Variants in SPTLC2 observed in about 807,000 individuals in gnomAD.
SPTLC2 encodes serine palmitoyltransferase 2.
In SPTLC2, 21 loss-of-function variants were observed where a neutral mutation model predicts 62.0. That is an observed-to-expected ratio of 0.34 (90% confidence interval 0.24 to 0.49). SPTLC2 has a LOEUF of 0.49. SPTLC2 is among the 20% of genes least tolerant of loss of function. The pLI, the probability that SPTLC2 is intolerant of heterozygous loss-of-function variation, is 0.99. For synonymous variants in SPTLC2, 261 were observed against 261.8 expected (o/e 1.00, Z 0.03); for missense variants, 511 against 713.0 (o/e 0.72, Z 3.23).
chr14:77,530,325 A>T (rs74440794), intron 9 of SPTLC2, among the ~76,000 whole-genome samples: 34,965 of 147,436 alleles, frequency 0.24, 4,782 homozygotes, highest in East Asian at 0.56. Context: ...TTAAAAAAAA[A>T]AAATATTTAT....
At chr14:77,534,588 T>TATACACACACACACACACACACACAC (rs1555373988) in intron 9 of SPTLC2, among the ~76,000 whole-genome samples, 4 of 141,126 alleles carry the variant, frequency 2.8e-5, no homozygotes, top group African/African-American at 1.1e-4. Flanking sequence ...CATATTTCAG[T>TATACACACACACACACACACACACAC]ACACACACAC....
Position 77,512,306 on chromosome 14 carries a change from G to A in SPTLC2, c.1667C>T (p.Thr556Met), listed in dbSNP as rs1207958200. The A allele has an allele frequency of 4.3e-6, 7 of 1,614,096 alleles. No individual in the cohort carries two copies. Among genetic ancestry groups the A allele is most frequent in the South Asian group, 1.1e-5 (1 of 91,076 alleles). The change falls in exon 12 of 12, where the codon ACG (threonine) becomes ATG (methionine). Residue 556 changes from threonine (T) to methionine (M), a missense_variant. Physicochemically the swap from Thr to Met is moderately conservative, Grantham distance 81 (BLOSUM62 -1). Coordinates refer to ENST00000216484, the MANE Select transcript of SPTLC2 (RefSeq NM_004863.4). ...PLLDRPFDET[T>M]YEETED is the part of the protein sequence containing the mutation. ...GGCTCAGTCTTCTGTTTCTTCATAC[G>A]TCGTCTCGTCAAAGGGCCTGTCCAG...
chr14:77,541,467 A>G (rs1389151946), intron 9 of SPTLC2, among the ~76,000 whole-genome samples: 1 of 151,860 alleles, frequency 6.6e-6, no homozygotes, highest in East Asian at 1.9e-4. Context: ...TTTTGAACTT[A>G]GAAATGCAAG....
At chr14:77,534,216 A>ACACACACACACACACACG (rs1208421770) in intron 9 of SPTLC2, among the ~76,000 whole-genome samples, 1 of 146,478 alleles carries the variant, frequency 6.8e-6, no homozygotes. Flanking sequence ...ACACACACAC[A>ACACACACACACACACACG]CACAAATGCA....
chr14:77,597,195 T>C lies in SPTLC2; in HGVS notation c.318A>G (p.Glu106=), dbSNP rs753268831. ...IEKCHHATER[E]EQKDFVSLYQ... ...ACTCTCTAACAGTTACCTTTTGTTC[T>C]TCTCTTTCTGTTGCATGGTGACACT... The change falls in exon 2 of 12, where the codon GAA becomes GAG. Residue 106 remains glutamate, a synonymous_variant. Coordinates refer to ENST00000216484, the MANE Select transcript of SPTLC2 (RefSeq NM_004863.4). The C allele has an allele frequency of 2.5e-6, 4 of 1,614,020 alleles. No homozygotes were observed. The highest frequency in any genetic ancestry group is 1.1e-5 in the South Asian group (1 of 91,074).
At position 77,508,156 on chromosome 14, in the gene SPTLC2, CA is replaced by C. The variant is rs2079315137; in HGVS notation, c.*4127del. 6.6e-6 allele frequency: 1 copy of C among 152,202 alleles called. No homozygotes were observed. The highest frequency in any genetic ancestry group is 2.1e-4 in the South Asian group (1 of 4,832). The allele number at this position is 152,202 out of a possible 1,614,324, so 9.4% of individuals were successfully genotyped here. A position where few individuals can be genotyped will look rare whatever the true frequency, so the allele number is the denominator to read the frequency against. On this transcript the variant is annotated 3_prime_UTR_variant, in exon 12 of 12. Coordinates refer to ENST00000216484, the MANE Select transcript of SPTLC2 (RefSeq NM_004863.4). ...TGATTCTCCCACACAGGTGGGACTACAGGCAGGCACCACCATGCCCGGTTAA... is the reference window on the plus strand; with the variant it reads ...TGATTCTCCCACACAGGTGGGACTACGGCAGGCACCACCATGCCCGGTTAA...
At chr14:77,598,605 A>G (rs1595014208) in intron 1 of SPTLC2, among the ~76,000 whole-genome samples, 2 of 152,242 alleles carry the variant, frequency 1.3e-5, no homozygotes, top group East Asian at 3.8e-4. Context: ...TGATAACACA[A>G]GTAAATCATG....
At chr14:77,532,732 CGA>C (rs1417048288) in intron 9 of SPTLC2, among the ~76,000 whole-genome samples, 1 of 151,446 alleles carries the variant, frequency 6.6e-6, no homozygotes, top group Non-Finnish European at 1.5e-5. Context: ...TGCAGTGAGC[CGA>C]GATAGTGCCA....
chr14:77,579,833 T>G (rs921203811), intron 2 of SPTLC2, among the ~76,000 whole-genome samples: 2 of 152,196 alleles, frequency 1.3e-5, no homozygotes, highest in African/African-American at 4.8e-5. Flanking sequence ...TAAAAGTCAC[T>G]TAACTTTAAT....
intron 4 of SPTLC2, among the ~76,000 whole-genome samples, 168 bp downstream of exon 4, chr14:77,576,599 A>G (rs1307743228): frequency 1.3e-5 from 2 of 152,232 alleles, no homozygotes; most frequent in Non-Finnish European, 2.9e-5. Flanking sequence ...ATGTGTTGAA[A>G]GCATTGAAAT....
At chr14:77,532,663 A>G (rs890850910) in intron 9 of SPTLC2, among the ~76,000 whole-genome samples, 5 of 152,118 alleles carry the variant, frequency 3.3e-5, no homozygotes, top group Admixed American at 2.0e-4. Flanking sequence ...AGGCGCCTGT[A>G]GTCCCAGCTA....
intron 9 of SPTLC2, among the ~76,000 whole-genome samples, chr14:77,523,939 G>GA (rs1310704672): frequency 1.3e-5 from 2 of 152,056 alleles, no homozygotes; most frequent in Non-Finnish European, 2.9e-5. Context: ...AAAGAAACAG[G>GA]AAAATATGAC....
chr14:77,526,210 C>T (rs1206956013), intron 9 of SPTLC2, among the ~76,000 whole-genome samples: 3 of 152,166 alleles, frequency 2.0e-5, no homozygotes, highest in Admixed American at 2.0e-4. Flanking sequence ...TATAAAATAG[C>T]AGTTAATATT....
In SPTLC2 at chr14:77,555,499, C is replaced by T. The variant is rs116822112; in HGVS notation, c.977G>A (p.Arg326His). Residue 326 changes from arginine to histidine, a missense_variant, in exon 8 of 12, where the codon CGT (arginine) becomes CAT (histidine). Transcript: ENST00000216484. Reference sequence around the variant, plus strand: ...CTTGAGGGCAATCACTTCAGGAAGACGAACAATAGATCCCTCCATGCTGGC... The same window carrying T: ...CTTGAGGGCAATCACTTCAGGAAGATGAACAATAGATCCCTCCATGCTGGC... ...GIYSMEGSIV[R>H]LPEVIALKKK... 1.1e-4 allele frequency: 177 copies of T among 1,614,082 alleles called. No individual in the cohort carries two copies. Among genetic ancestry groups the T allele is most frequent in the Non-Finnish European group, 1.3e-4 (156 of 1,180,024 alleles).
intron 1 of SPTLC2, among the ~76,000 whole-genome samples, chr14:77,614,325 A>T (rs2267750): frequency 6.6e-6 from 1 of 152,020 alleles, no homozygotes; most frequent in South Asian, 2.1e-4. Flanking sequence ...ACACAAAGCA[A>T]CGCTGAAGTG....
At chr14:77,603,719 C>A (rs1156624471) in intron 1 of SPTLC2, among the ~76,000 whole-genome samples, 1 of 152,138 alleles carries the variant, frequency 6.6e-6, no homozygotes, top group Non-Finnish European at 1.5e-5. Context: ...ATTGAAAACC[C>A]CCAAAAGGAG....
At chr14:77,567,760 T>C (rs2140031511) in intron 5 of SPTLC2, among the ~76,000 whole-genome samples, 1 of 152,292 alleles carries the variant, frequency 6.6e-6, no homozygotes, top group East Asian at 1.9e-4. Flanking sequence ...TTTATCATCA[T>C]TATATTCTTC....
At chr14:77,539,770 G>A (rs1594978213) in intron 9 of SPTLC2, among the ~76,000 whole-genome samples, 2 of 152,104 alleles carry the variant, frequency 1.3e-5, no homozygotes, top group East Asian at 1.9e-4. Context: ...CATTACAGGC[G>A]TGAGCCACTG....
At chr14:77,541,922 T>C (rs1322285412) in intron 9 of SPTLC2, among the ~76,000 whole-genome samples, 2 of 152,084 alleles carry the variant, frequency 1.3e-5, no homozygotes, top group Non-Finnish European at 2.9e-5. Context: ...CCAGGCATAG[T>C]GGCACGCGCC....
Sources: allele counts gnomAD v4.1 joint callset (sites outside exome capture counted in the v4.1 genomes callset), GRCh38; gene constraint gnomAD v4.1.1; transcripts MANE v1.5; gene names NCBI Gene and HGNC (gene_info 2026-07-23, HGNC 2026-07-21).